The following ZNF555 variants were observed in gnomAD, a reference collection of about 807,000 sequenced individuals.
ZNF555 encodes the protein zinc finger protein 555.
ZNF555 carries 10 observed loss-of-function variants against 14.0 expected under a neutral mutation model. The ratio of observed to expected loss-of-function variants is 0.72; its 90% confidence interval spans 0.44 to 1.21. ZNF555 has a LOEUF of 1.21. Among genes scored for constraint, ZNF555 ranks in the 50% most tolerant of loss-of-function variants. The probability of loss-of-function intolerance (pLI) is 0.00; values close to 1 mark genes in which losing one functional copy is unlikely to be tolerated. For missense variants in ZNF555, 747 were observed against 762.0 expected, an observed-to-expected ratio of 0.98 and a Z score of 0.23; for synonymous variants, 277 against 262.4, an observed-to-expected ratio of 1.06 and a Z score of -0.54.
rs2087661016 is a variant in ZNF555 at position 2,853,844 on chromosome 19, G to C, written c.1779G>C (p.Lys593Asn). 2 of 1,613,872 alleles carry C rather than the reference G, an allele frequency of 1.2e-6. No homozygotes were observed. Among genetic ancestry groups the C allele is most frequent in the Non-Finnish European group, 8.5e-7 (1 of 1,179,980 alleles). Residue 593 changes from lysine (K) to asparagine (N), a missense_variant, in exon 4 of 4, where the codon AAG (lysine) becomes AAC (asparagine). Physicochemically the swap from Lys to Asn is moderately conservative, Grantham distance 94. Transcript: ENST00000334241. ...TACACACTACAGAAAAACAGTATAA[G>C]TGTAATGTAGGACATCCTCCTGCAA... ...VRIHTTEKQY[K>N]CNVGHPPANE...
chr19:2,851,958 C>T (rs2087633757), intron 3 of ZNF555, among the ~76,000 whole-genome samples: 2 of 152,124 alleles, frequency 1.3e-5, no homozygotes, highest in South Asian at 4.1e-4. Context: ...CGAGACCAGC[C>T]TGGCCAACAT....
chr19:2,843,248 C>T (rs181726083), intron 1 of ZNF555, among the ~76,000 whole-genome samples: 1 of 152,298 alleles, frequency 6.6e-6, no homozygotes, highest in Admixed American at 6.5e-5. Context: ...ACTGCAGCCT[C>T]CACCTCCTGG....
At chr19:2,846,881 G>A (rs146903223) in intron 1 of ZNF555, among the ~76,000 whole-genome samples, 5 of 152,262 alleles carry the variant, frequency 3.3e-5, no homozygotes, top group African/African-American at 9.6e-5. Flanking sequence ...TCATAAGAGC[G>A]CATTAACAAA....
chr19:2,853,023 G>A lies in ZNF555; in HGVS notation c.958G>A (p.Ala320Thr), dbSNP rs2087647156. The A allele has an allele frequency of 3.7e-6, 6 of 1,613,860 alleles. No homozygotes were observed. Among genetic ancestry groups the A allele is most frequent in the South Asian group, 3.3e-5 (3 of 91,072 alleles). The change falls in exon 4 of 4, where the codon GCC becomes ACC. Residue 320 changes from alanine (A) to threonine (T), a missense_variant. Coordinates refer to ENST00000334241, the MANE Select transcript of ZNF555 (RefSeq NM_152791.5). ...ACATAAATGTAAAGAATGTGGGGAG[G>A]CCTTCAGTTATTCTTCGGCTTTTCG... ...KPHKCKECGE[A>T]FSYSSAFRRH...
intron 1 of ZNF555, among the ~76,000 whole-genome samples, chr19:2,845,109 CT>C (rs1159150051): frequency 6.6e-6 from 1 of 152,182 alleles, no homozygotes; most frequent in Non-Finnish European, 1.5e-5. Context: ...GGTGTCAGCC[CT>C]TTCCCCCTCT....
chr19:2,851,368 C>A, intron 2 of ZNF555, 100 bp from the exon 3 acceptor site: 3 of 908,816 alleles, frequency 3.3e-6, no homozygotes, highest in Non-Finnish European at 3.2e-6. Flanking sequence ...CCTTTTTGAC[C>A]ATTTTGTGTT....
intron 2 of ZNF555, among the ~76,000 whole-genome samples, chr19:2,851,033 C>G (rs886801628): frequency 7.0e-6 from 1 of 143,308 alleles, no homozygotes; most frequent in Non-Finnish European, 1.5e-5. Context: ...GAGTCTCACT[C>G]TGTCGCCCAG....
At chr19:2,849,225 ACCGTGCAT>A (rs1233573690) in intron 1 of ZNF555, among the ~76,000 whole-genome samples, 4 of 150,802 alleles carry the variant, frequency 2.7e-5, no homozygotes, top group Non-Finnish European at 4.4e-5. Context: ...GTTTGAGGGA[ACCGTGCAT>A]CTCGGGGGTT....
In ZNF555 at chr19:2,860,296, G is replaced by A. The variant is rs1873947944; in HGVS notation, c.*6344G>A. 1 of 152,112 alleles carries A rather than the reference G, an allele frequency of 6.6e-6. No individual in the cohort carries two copies. Among genetic ancestry groups the A allele is most frequent in the South Asian group, 2.1e-4 (1 of 4,820 alleles). 9.4% of individuals were successfully genotyped at this position (152,112 alleles called of 1,614,324 possible). ...TGGTGGTCCCTGTTTTCAGGAAAGA[G>A]TGTCTGTGAATGTCCATGTGTCTCA... On this transcript the variant is annotated 3_prime_UTR_variant, in exon 4 of 4. Transcript: ENST00000334241.
intron 1 of ZNF555, among the ~76,000 whole-genome samples, chr19:2,844,100 T>C (rs56256012): frequency 0.55 from 70,405 of 127,810 alleles, 19,692 homozygotes; most frequent in Middle Eastern, 0.64. Context: ...TCTCTTTTCT[T>C]TTTTTTTTTT....
Position 2,853,756 on chromosome 19 carries a change from A to G in ZNF555, c.1691A>G (p.Tyr564Cys), listed in dbSNP as rs769710185. ...AGACTGCACACTGGAGAGAAACCTT[A>G]TCAATGTAAGCATTGTGGGAAAGCA... is the stretch of plus-strand genomic sequence containing the variant. ...HMRLHTGEKP[Y>C]QCKHCGKAFN... is the part of the protein sequence containing the mutation. The change falls in exon 4 of 4, where the codon TAT (tyrosine) becomes TGT (cysteine). Residue 564 changes from tyrosine (Y) to cysteine (C), a missense_variant. Coordinates refer to ENST00000334241, the MANE Select transcript of ZNF555 (RefSeq NM_152791.5). 1.9e-6 allele frequency: 3 copies of G among 1,604,098 alleles called. No individual in the cohort carries two copies. Among genetic ancestry groups the G allele is most frequent in the Non-Finnish European group, 2.6e-6 (3 of 1,174,944 alleles).
chr19:2,841,483 C>A lies in ZNF555; in HGVS notation c.-90C>A, dbSNP rs1010718126. 1.8e-5 allele frequency: 28 copies of A among 1,534,892 alleles called. 1 individual carries two copies. The Admixed American group carries it at 4.1e-4, about 23-fold the overall frequency. On this transcript the variant is annotated 5_prime_UTR_variant, in exon 1 of 4. Transcript: ENST00000334241. ...TGGGACGGGACGCCTCTGTCCTAGC[C>A]GTGAGTGCCCCGCCTGCCCCTAGCG... is the stretch of plus-strand genomic sequence containing the variant.
intron 1 of ZNF555, among the ~76,000 whole-genome samples, chr19:2,842,785 G>A (rs1051950161): frequency 6.6e-6 from 1 of 152,214 alleles, no homozygotes; most frequent in Non-Finnish European, 1.5e-5. Context: ...GCTCAAGCCT[G>A]TCATCCCAGC....
In ZNF555 at chr19:2,859,762, G is replaced by A. The variant is rs1335267055; in HGVS notation, c.*5810G>A. On this transcript the variant is annotated 3_prime_UTR_variant, in exon 4 of 4. Coordinates refer to ENST00000334241, the MANE Select transcript of ZNF555 (RefSeq NM_152791.5). ...AACGGCTGAAGGACCTTCCTTTAGG[G>A]TTCGGGGGATCTCCTCCTTCCACAA... The A allele has an allele frequency of 1.3e-5, 2 of 152,596 alleles. No individual in the cohort carries two copies. The highest frequency in any genetic ancestry group is 4.8e-5 in the African/African-American group (2 of 41,458). 9.5% of individuals were successfully genotyped at this position (152,596 alleles called of 1,614,324 possible).
intron 2 of ZNF555, 91 bp from the exon 3 acceptor site, chr19:2,851,377 T>G: frequency 9.7e-7 from 1 of 1,029,422 alleles, no homozygotes; most frequent in Non-Finnish European, 1.4e-6. Context: ...CCATTTTGTG[T>G]TTAATGAAGT....
chr19:2,843,277 C>A (rs143494367), intron 1 of ZNF555, among the ~76,000 whole-genome samples: 6 of 152,278 alleles, frequency 3.9e-5, no homozygotes, highest in African/African-American at 1.4e-4. Flanking sequence ...AATCTTCCTG[C>A]CTCAGCCTTC....
At chr19:2,842,452 C>T (rs1347797545) in intron 1 of ZNF555, among the ~76,000 whole-genome samples, 1 of 152,226 alleles carries the variant, frequency 6.6e-6, no homozygotes, top group Non-Finnish European at 1.5e-5. Flanking sequence ...CATTAGTGTC[C>T]TCGGACTGCT....
Position 2,855,748 on chromosome 19 carries a change from C to T in ZNF555, c.*1796C>T, listed in dbSNP as rs937365322. On this transcript the variant is annotated 3_prime_UTR_variant, in exon 4 of 4. Transcript: ENST00000334241. The stretch of plus-strand genomic sequence containing the variant: ...CAGGACCATGCTTTTTCTGAAGATG[C>T]TAGGGAAGGATCTGTTTCAGAACTC... The T allele has an allele frequency of 1.3e-5, 2 of 152,108 alleles. No homozygotes were observed. Among genetic ancestry groups the T allele is most frequent in the Non-Finnish European group, 2.9e-5 (2 of 68,000 alleles). The allele number at this position is 152,108 out of a possible 1,614,324, so 9.4% of individuals were successfully genotyped here.
chr19:2,854,299 T>C lies in ZNF555; in HGVS notation c.*347T>C. 1 of 228,166 alleles carries C rather than the reference T, an allele frequency of 4.4e-6. No homozygotes were observed. Among genetic ancestry groups the C allele is most frequent in the Non-Finnish European group, 8.6e-6 (1 of 115,940 alleles). 14.1% of individuals were successfully genotyped at this position (228,166 alleles called of 1,614,324 possible). A position where few individuals can be genotyped will look rare whatever the true frequency, so the allele number is the denominator to read the frequency against. ...GGCCAGAGGAGCCTTATTCCATTTT[T>C]TAAGAAGTAGTTGGCAGAATTTTGT... is the stretch of plus-strand genomic sequence containing the variant. On this transcript the variant is annotated 3_prime_UTR_variant, in exon 4 of 4. Transcript: ENST00000334241.
Sources: allele counts gnomAD v4.1 joint callset (sites outside exome capture counted in the v4.1 genomes callset), GRCh38; gene constraint gnomAD v4.1.1; transcripts MANE v1.5; gene names NCBI Gene and HGNC (gene_info 2026-07-23, HGNC 2026-07-21).